PTPRO: variants seen among roughly 807,000 people sequenced by gnomAD.
PTPRO encodes receptor-type tyrosine-protein phosphatase O.
Under a neutral mutation model 145.2 loss-of-function variants are expected in PTPRO, and 62 were observed. The ratio of observed to expected loss-of-function variants is 0.43; its 90% CI spans 0.35 to 0.53. The LOEUF is 0.53. Among genes scored for constraint, PTPRO ranks in the 20% least tolerant of loss-of-function variants. PTPRO has a pLI of 0.01. For missense variants in PTPRO, 1,345 were observed against 1,482.7 expected, an observed-to-expected ratio of 0.91 and a Z score of 1.53; for synonymous variants, 565 against 514.7, an observed-to-expected ratio of 1.10 and a Z score of -1.32.
chr12:15,384,205 G>A (rs949080330), intron 1 of PTPRO, among the ~76,000 whole-genome samples: 4 of 152,094 alleles, frequency 2.6e-5, no homozygotes, highest in Non-Finnish European at 4.4e-5. Flanking sequence ...CAGTTGGTTG[G>A]GGGCCAGGGA....
intron 1 of PTPRO, among the ~76,000 whole-genome samples, chr12:15,374,875 A>C (rs749829638): frequency 1.9e-4 from 29 of 152,198 alleles, no homozygotes; most frequent in Non-Finnish European, 4.0e-4. Flanking sequence ...GGCTGTGTGC[A>C]TGCTGAAGAA....
intron 1 of PTPRO, among the ~76,000 whole-genome samples, chr12:15,378,272 T>C (rs1286270382): frequency 6.6e-6 from 1 of 151,894 alleles, no homozygotes; most frequent in Non-Finnish European, 1.5e-5. Context: ...AAATAGAGCA[T>C]ACTCAGATTA....
intron 9 of PTPRO, among the ~76,000 whole-genome samples, chr12:15,518,080 T>C (rs1942637383): frequency 6.6e-6 from 1 of 152,232 alleles, no homozygotes; most frequent in Non-Finnish European, 1.5e-5. Context: ...AACTTTTGCC[T>C]GGGCATCCAA....
chr12:15,560,342 A>G (rs1035178012), intron 17 of PTPRO, 66 bp downstream of exon 17: 5 of 1,245,322 alleles, frequency 4.0e-6, no homozygotes, highest in Non-Finnish European at 4.7e-6. Flanking sequence ...AAGTAAACAA[A>G]AAGGAAAGTT....
At chr12:15,543,723 G>A (rs1309123534) in intron 12 of PTPRO, among the ~76,000 whole-genome samples, 1 of 152,128 alleles carries the variant, frequency 6.6e-6, no homozygotes, top group Admixed American at 6.6e-5. Context: ...AGATTATATA[G>A]GAAATAATTA....
intron 6 of PTPRO, among the ~76,000 whole-genome samples, chr12:15,506,659 A>G (rs1190317826): frequency 6.6e-6 from 1 of 152,132 alleles, no homozygotes; most frequent in East Asian, 1.9e-4. Context: ...CATTGTCTTG[A>G]GAACAGCATA....
rs554236758 is a variant in PTPRO at position 15,357,379 on chromosome 12, A to G, written c.75+34578A>G. ...AATAACTTGACTGATTCATTTCAGT[A>G]TGCTGAATGGTTTGAATGAAATAGA... On this transcript the variant is annotated intron_variant, in intron 1 of 26. Transcript: ENST00000281171. 3.3e-5 allele frequency among the ~76,000 whole-genome samples: 5 copies of G among 152,362 alleles called. No individual in the cohort carries two copies. The East Asian group carries it at 9.6e-4, about 29-fold the overall frequency.
chr12:15,593,153 C>T (rs1398372276), intron 25 of PTPRO, among the ~76,000 whole-genome samples: 2 of 152,170 alleles, frequency 1.3e-5, no homozygotes, highest in Non-Finnish European at 2.9e-5. Flanking sequence ...AGGGGTAGCT[C>T]AGCCACTGAT....
intron 1 of PTPRO, among the ~76,000 whole-genome samples, chr12:15,393,974 G>T (rs544435847): frequency 1.2e-4 from 19 of 152,236 alleles, no homozygotes; most frequent in African/African-American, 4.6e-4. Context: ...GGCCTATCTG[G>T]CTTTTTATAA....
intron 12 of PTPRO, among the ~76,000 whole-genome samples, chr12:15,528,360 CA>C (rs577995184): frequency 0.34 from 42,210 of 124,482 alleles, 6,772 homozygotes; most frequent in African/African-American, 0.43. Flanking sequence ...AATAAAAATA[CA>C]AAAAAAAAAA....
intron 1 of PTPRO, among the ~76,000 whole-genome samples, chr12:15,405,760 C>A (rs1939631030): frequency 6.6e-6 from 1 of 152,110 alleles, no homozygotes; most frequent in Admixed American, 6.5e-5. Context: ...TTAATTATTA[C>A]ATACTGAACC....
Position 15,349,896 on chromosome 12 carries a change from C to G in PTPRO, c.75+27095C>G, listed in dbSNP as rs548151618. On this transcript the variant is annotated intron_variant, in intron 1 of 26. Coordinates refer to ENST00000281171, the MANE Select transcript of PTPRO (RefSeq NM_030667.3). ...TACTGATAGTTTTTGGATTTGAGTTCTAGGGGAAAGGAGTTCCAGCTAAGA... is the reference window on the plus strand; with the variant it reads ...TACTGATAGTTTTTGGATTTGAGTTGTAGGGGAAAGGAGTTCCAGCTAAGA... Among the ~76,000 whole-genome samples, 37 of 152,142 alleles carry G rather than the reference C, an allele frequency of 2.4e-4. No individual in the cohort carries two copies. The Middle Eastern group carries it at 0.014, about 56-fold the overall frequency.
chr12:15,588,095 T>C (rs1211929231), intron 24 of PTPRO, among the ~76,000 whole-genome samples: 1 of 152,196 alleles, frequency 6.6e-6, no homozygotes, highest in Admixed American at 6.5e-5. Context: ...GATTATCTGT[T>C]CTCAAAATGG....
intron 2 of PTPRO, among the ~76,000 whole-genome samples, chr12:15,486,391 T>G (rs775170559): frequency 6.6e-6 from 1 of 152,200 alleles, no homozygotes; most frequent in African/African-American, 2.4e-5. Flanking sequence ...GTGGCATACC[T>G]AATCCACCCT....
At chr12:15,551,458 A>G in intron 14 of PTPRO, 93 bp from the exon 15 acceptor site, 1 of 1,485,606 alleles carries the variant, frequency 6.7e-7, no homozygotes, top group Non-Finnish European at 9.3e-7. Flanking sequence ...TCGTAAGCTC[A>G]CTGCCCTTAA....
chr12:15,594,497 C>CCA lies in PTPRO; in HGVS notation c.3547-423_3547-422dup, dbSNP rs779321956. Among the ~76,000 whole-genome samples, 107 of 148,966 alleles carry CCA rather than the reference C, an allele frequency of 7.2e-4. 1 individual carries two copies. The highest frequency in any genetic ancestry group is 1.9e-3 in the African/African-American group (76 of 40,698). On this transcript the variant is annotated intron_variant, in intron 25 of 26. Transcript: ENST00000281171. ...GGAAAGTAGATCTTAAGTGTTCTCA[C>CCA]CACACACACACACACACAAATATAT...
chr12:15,416,570 C>T (rs1392028241), intron 1 of PTPRO, among the ~76,000 whole-genome samples: 11 of 151,432 alleles, frequency 7.3e-5, no homozygotes, highest in Non-Finnish European at 1.5e-4. Context: ...CTGCCTGCCT[C>T]GGCCTCCCAA....
At chr12:15,372,625 G>A (rs567984555) in intron 1 of PTPRO, among the ~76,000 whole-genome samples, 169 of 152,276 alleles carry the variant, frequency 1.1e-3, no homozygotes, top group African/African-American at 4.0e-3. Context: ...AGCCAAAACA[G>A]TAAAGTAAAG....
At chr12:15,577,292 C>T (rs916548727) in intron 19 of PTPRO, among the ~76,000 whole-genome samples, 5 of 152,200 alleles carry the variant, frequency 3.3e-5, no homozygotes, top group African/African-American at 1.2e-4. Context: ...TTTGTTGGTT[C>T]ATCCATGTTG....
Sources: gnomAD v4.1 joint callset for allele counts (sites outside exome capture counted in the v4.1 genomes callset) on GRCh38, gnomAD v4.1.1 for gene constraint, MANE v1.5 for transcripts, NCBI Gene and HGNC (gene_info 2026-07-23, HGNC 2026-07-21) for gene names.